MALRD1: variants seen among roughly 807,000 people sequenced by gnomAD.
MALRD1 encodes the protein MAM and LDL-receptor class A domain-containing protein 1.
In MALRD1, 247 loss-of-function variants were observed where a neutral mutation model predicts 242.1. The observed-to-expected ratio is 1.02, with a 90% confidence interval of 0.92 to 1.13. MALRD1 has a LOEUF of 1.13. MALRD1 is among the 50% of genes most tolerant of loss of function. The pLI is 0.00. For missense variants in MALRD1, 2,989 were observed against 2,533.1 expected, an observed-to-expected ratio of 1.18 and a Z score of -3.86; for synonymous variants, 995 against 866.6, an observed-to-expected ratio of 1.15 and a Z score of -2.60.
chr10:19,082,551 T>C (rs189232947), intron 2 of MALRD1, among the ~76,000 whole-genome samples: 1 of 152,106 alleles, frequency 6.6e-6, no homozygotes, highest in African/African-American at 2.4e-5. Flanking sequence ...ATTTAAAGTC[T>C]TTGTCTAATA....
intron 13 of MALRD1, among the ~76,000 whole-genome samples, chr10:19,171,024 TA>T (rs1834898669): frequency 6.6e-6 from 1 of 152,128 alleles, no homozygotes; most frequent in Admixed American, 6.6e-5. Context: ...TTGCTCCCGT[TA>T]TTTTTTTTGA....
rs971471709 is a variant in MALRD1 at position 19,068,626 on chromosome 10, T to C, written c.340+1767T>C. On this transcript the variant is annotated intron_variant, in intron 2 of 39. Coordinates refer to ENST00000454679, the MANE Select transcript of MALRD1 (RefSeq NM_001142308.3). ...AGTCATGCATCTCTTACAAATACAA[T>C]TGAATGTTAACATGTAAGTAGTCTC... Among the ~76,000 whole-genome samples, 4 of 152,140 alleles carry C rather than the reference T, an allele frequency of 2.6e-5. No homozygotes were observed. The East Asian group carries it at 7.7e-4, about 29-fold the overall frequency.
At chr10:19,616,472 A>C (rs1034783114) in intron 36 of MALRD1, among the ~76,000 whole-genome samples, 1 of 152,076 alleles carries the variant, frequency 6.6e-6, no homozygotes, top group Non-Finnish European at 1.5e-5. Context: ...TTTATATTGC[A>C]TATCAAAGAT....
At chr10:19,144,174 A>G (rs1833646764) in intron 10 of MALRD1, among the ~76,000 whole-genome samples, 1 of 152,114 alleles carries the variant, frequency 6.6e-6, no homozygotes, top group Non-Finnish European at 1.5e-5. Flanking sequence ...TAGAGGGAAA[A>G]ATAATATTCA....
At chr10:19,211,782 TGG>T (rs1837084056) in intron 18 of MALRD1, among the ~76,000 whole-genome samples, 2 of 149,390 alleles carry the variant, frequency 1.3e-5, no homozygotes, top group African/African-American at 4.9e-5. Context: ...AAATGATGGA[TGG>T]ACATAGTTTC....
At chr10:19,099,963 G>T (rs1359321562) in intron 4 of MALRD1, among the ~76,000 whole-genome samples, 2 of 152,060 alleles carry the variant, frequency 1.3e-5, no homozygotes, top group South Asian at 2.1e-4. Context: ...GTTTCGCCAT[G>T]TTGGCCAGGT....
intron 31 of MALRD1, among the ~76,000 whole-genome samples, chr10:19,505,051 G>A (rs1838145543): frequency 6.6e-6 from 1 of 152,110 alleles, no homozygotes; most frequent in African/African-American, 2.4e-5. Context: ...AAAAGAAGGA[G>A]AAGATGAGGG....
intron 21 of MALRD1, among the ~76,000 whole-genome samples, chr10:19,313,842 G>C (rs1047211065): frequency 2.6e-5 from 4 of 151,490 alleles, no homozygotes; most frequent in African/African-American, 9.7e-5. Flanking sequence ...CCCCTAATGA[G>C]AATAGTTGGC....
Position 19,082,892 on chromosome 10 carries a change from T to A in MALRD1, c.341-4948T>A, listed in dbSNP as rs191368587. ...CTGAGTAGATTATAAACAATGGAAA[T>A]TTATTTCTCACAGTTCTATAGGCTG... On this transcript the variant is annotated intron_variant, in intron 2 of 39. Coordinates refer to ENST00000454679, the MANE Select transcript of MALRD1 (RefSeq NM_001142308.3). 6.0e-4 allele frequency among the ~76,000 whole-genome samples: 91 copies of A among 152,126 alleles called. 2 individuals are homozygous for A. The highest frequency in any genetic ancestry group is 5.6e-3 in the Admixed American group (86 of 15,250).
rs550292329 is a variant in MALRD1 at position 19,223,083 on chromosome 10, A to T, written c.2991+13403A>T. Among the ~76,000 whole-genome samples, 3 of 152,294 alleles carry T rather than the reference A, an allele frequency of 2.0e-5. No homozygotes were observed. The South Asian group carries it at 6.2e-4, about 32-fold the overall frequency. ...TCACTATAGATTAGGGACATAATGG[A>T]TTCTTCTTTCTTAAAAGTGGCATAT... On this transcript the variant is annotated intron_variant, in intron 18 of 39. Coordinates refer to ENST00000454679, the MANE Select transcript of MALRD1 (RefSeq NM_001142308.3).
chr10:19,469,058 C>T (rs1836366963), intron 29 of MALRD1, among the ~76,000 whole-genome samples: 1 of 151,962 alleles, frequency 6.6e-6, no homozygotes, highest in African/African-American at 2.4e-5. Context: ...GCCTGGGCCC[C>T]ACAGCAGACC....
At chr10:19,270,373 C>G (rs1258685239) in intron 19 of MALRD1, among the ~76,000 whole-genome samples, 1 of 146,646 alleles carries the variant, frequency 6.8e-6, no homozygotes, top group Admixed American at 6.9e-5. Context: ...CACACACACA[C>G]ACACCAGACT....
intron 32 of MALRD1, among the ~76,000 whole-genome samples, chr10:19,547,406 C>T (rs184837805): frequency 4.4e-4 from 67 of 152,162 alleles, no homozygotes; most frequent in Admixed American, 2.8e-3. Context: ...GGATTAGAAA[C>T]TCCGAAATTT....
In MALRD1 at chr10:19,639,252, G is replaced by C. The variant is rs931687443; in HGVS notation, c.6137+23329G>C. Among the ~76,000 whole-genome samples, 4 of 152,278 alleles carry C rather than the reference G, an allele frequency of 2.6e-5. No individual in the cohort carries two copies. The East Asian group carries it at 7.7e-4, about 29-fold the overall frequency. ...ATCAAGGAAGACTCAGCTGTACACA[G>C]ATGGGTGAAACTTAAATGAGTTTAT... is the stretch of plus-strand genomic sequence containing the variant. On this transcript the variant is annotated intron_variant, in intron 36 of 39. Transcript: ENST00000454679.
chr10:19,146,135 G>A, intron 10 of MALRD1, 63 bp from the exon 11 acceptor site: 8 of 1,180,622 alleles, frequency 6.8e-6, no homozygotes, highest in Non-Finnish European at 8.5e-6. Flanking sequence ...AGCTAGCGTA[G>A]AGCAGTGTTT....
intron 28 of MALRD1, among the ~76,000 whole-genome samples, chr10:19,420,907 T>C (rs1029876924): frequency 1.3e-5 from 2 of 152,214 alleles, no homozygotes; most frequent in African/African-American, 2.4e-5. Flanking sequence ...TTTCATTTTT[T>C]ATGGAAACAG....
chr10:19,654,843 G>A (rs1841069803), intron 36 of MALRD1, among the ~76,000 whole-genome samples: 1 of 152,096 alleles, frequency 6.6e-6, no homozygotes, highest in African/African-American at 2.4e-5. Flanking sequence ...ACATCTGTGT[G>A]TGCTGGGGCT....
chr10:19,225,669 A>T lies in MALRD1; in HGVS notation c.2991+15989A>T, dbSNP rs547302844. ...CCAACCTACACCCACCGTTTCCCTG[A>T]CTATAACTTCACCTAAAGTATAAGC... is the stretch of plus-strand genomic sequence containing the variant. On this transcript the variant is annotated intron_variant, in intron 18 of 39. Coordinates refer to ENST00000454679, the MANE Select transcript of MALRD1 (RefSeq NM_001142308.3). Among the ~76,000 whole-genome samples the T allele has an allele frequency of 4.9e-4, 74 of 152,250 alleles. 1 individual carries two copies. The South Asian group carries it at 0.013, about 28-fold the overall frequency.
Position 19,087,952 on chromosome 10 carries a change from G to C in MALRD1, c.435+18G>C. On this transcript the variant is annotated intron_variant, in intron 3 of 39. Transcript: ENST00000454679. ...ACTGCCAGGTATTTGAAAGCACACA[G>C]CATTTTAAATATTTTGTCACATTTG... The C allele has an allele frequency of 1.6e-6, 2 of 1,230,852 alleles. No individual in the cohort carries two copies. The highest frequency in any genetic ancestry group is 2.0e-6 in the Non-Finnish European group (2 of 985,588). The allele number at this position is 1,230,852 out of a possible 1,614,324, so 76.2% of individuals were successfully genotyped here.
Sources: allele counts gnomAD v4.1 joint callset (sites outside exome capture counted in the v4.1 genomes callset), GRCh38; gene constraint gnomAD v4.1.1; transcripts MANE v1.5; gene names NCBI Gene and HGNC (gene_info 2026-07-23, HGNC 2026-07-21).